Variants in MBD5 observed in about 807,000 individuals in gnomAD.
MBD5 encodes the protein methyl-CpG binding domain protein 5.
MBD5 carries 13 observed loss-of-function variants against 117.3 expected under a neutral mutation model. That is an observed-to-expected ratio of 0.11 (90% CI 0.07 to 0.18). The LOEUF is 0.18. MBD5 is among the 10% of genes least tolerant of loss of function. The pLI, the probability that MBD5 is intolerant of heterozygous loss-of-function variation, is 1.00. For synonymous variants in MBD5, 727 were observed against 766.4 expected, an observed-to-expected ratio of 0.95 and a Z score of 0.85; for missense variants, 1,879 against 2,093.8, an observed-to-expected ratio of 0.90 and a Z score of 2.00.
chr2:148,062,613 G>A (rs989925012), intron 1 of MBD5: 4 of 151,910 alleles, frequency 2.6e-5, no homozygotes, highest in African/African-American at 7.2e-5. Context: ...TGTTACAGGT[G>A]ATTAAATATC....
At chr2:148,070,205 T>C (rs898437591) in intron 1 of MBD5, among the ~76,000 whole-genome samples, 7 of 152,208 alleles carry the variant, frequency 4.6e-5, no homozygotes, top group Non-Finnish European at 8.8e-5. Flanking sequence ...ATGTCATGTT[T>C]CTCTTTCTGT....
intron 1 of MBD5, among the ~76,000 whole-genome samples, chr2:148,088,376 C>T (rs180787227): frequency 1.3e-5 from 2 of 152,246 alleles, no homozygotes; most frequent in East Asian, 3.9e-4. Flanking sequence ...GGAAATTCAT[C>T]TCAAAAGGAT....
At chr2:148,316,134 A>G (rs1273017336) in intron 3 of MBD5, among the ~76,000 whole-genome samples, 1 of 152,156 alleles carries the variant, frequency 6.6e-6, no homozygotes. Context: ...GAGAACAGCC[A>G]GGGGAAAATC....
intron 1 of MBD5, among the ~76,000 whole-genome samples, chr2:148,122,200 C>G (rs116516954): frequency 0.022 from 3,371 of 152,220 alleles, 144 homozygotes; most frequent in African/African-American, 0.076. Flanking sequence ...ATCCAGAGCC[C>G]TGCAAATAAT....
At chr2:148,296,635 T>A (rs1406838536) in intron 3 of MBD5, 1 of 169,270 alleles carries the variant, frequency 5.9e-6, no homozygotes, top group East Asian at 1.7e-4. Flanking sequence ...TCTCTAATGC[T>A]GAAGCACTGG....
At chr2:148,345,792 G>A (rs954441012) in intron 4 of MBD5, among the ~76,000 whole-genome samples, 1 of 151,480 alleles carries the variant, frequency 6.6e-6, no homozygotes, top group Non-Finnish European at 1.5e-5. Flanking sequence ...TGAGGAGCAA[G>A]GAGAGCCAGT....
chr2:148,260,014 G>A (rs1700695707), intron 3 of MBD5, among the ~76,000 whole-genome samples: 1 of 152,202 alleles, frequency 6.6e-6, no homozygotes, highest in Non-Finnish European at 1.5e-5. Context: ...GTCGACATCT[G>A]CTGACTGGTC....
At chr2:148,056,808 T>C (rs537866661) in intron 1 of MBD5, among the ~76,000 whole-genome samples, 2 of 152,062 alleles carry the variant, frequency 1.3e-5, no homozygotes, top group South Asian at 4.1e-4. Flanking sequence ...ATTAGAATTG[T>C]GTTTCTTGAA....
At chr2:148,410,185 T>C (rs1705208840) in intron 4 of MBD5, among the ~76,000 whole-genome samples, 1 of 152,188 alleles carries the variant, frequency 6.6e-6, no homozygotes, top group Non-Finnish European at 1.5e-5. Flanking sequence ...CTTTTCCATG[T>C]CTTTGATAAA....
chr2:148,305,578 G>A (rs1473408924), intron 3 of MBD5, among the ~76,000 whole-genome samples: 1 of 152,206 alleles, frequency 6.6e-6, no homozygotes, highest in Non-Finnish European at 1.5e-5. Context: ...GTTTGAATGT[G>A]TTTAGCGATG....
At chr2:148,154,998 C>T (rs1697831902) in intron 1 of MBD5, among the ~76,000 whole-genome samples, 1 of 152,126 alleles carries the variant, frequency 6.6e-6, no homozygotes, top group Non-Finnish European at 1.5e-5. Flanking sequence ...TCTATAGGCC[C>T]TGAAGGTGCA....
chr2:148,400,762 T>C (rs953906197), intron 4 of MBD5, among the ~76,000 whole-genome samples: 9 of 152,206 alleles, frequency 5.9e-5, no homozygotes, highest in African/African-American at 2.2e-4. Flanking sequence ...TAGCCAAATG[T>C]CTTTTTTATG....
rs141904158 is a variant in MBD5 at position 148,313,029 on chromosome 2, G to A, written c.-679-29185G>A. On this transcript the variant is annotated intron_variant, in intron 3 of 13. Coordinates refer to ENST00000642680, the MANE Select transcript of MBD5 (RefSeq NM_001378120.1). Reference sequence around the variant, plus strand: ...GCCTGTTCCTTCCTCTGGAAGGTTCGTCCCAGAGTGGCACCCGCTAGATGC... The same window carrying A: ...GCCTGTTCCTTCCTCTGGAAGGTTCATCCCAGAGTGGCACCCGCTAGATGC... Among the ~76,000 whole-genome samples, 1,059 of 152,196 alleles carry A rather than the reference G, an allele frequency of 7.0e-3. 46 individuals carry two copies. Among genetic ancestry groups the A allele is most frequent in the Admixed American group, 0.063 (958 of 15,286 alleles).
At chr2:148,278,516 G>A (rs1701166985) in intron 3 of MBD5, among the ~76,000 whole-genome samples, 1 of 151,996 alleles carries the variant, frequency 6.6e-6, no homozygotes, top group Admixed American at 6.5e-5. Flanking sequence ...TGGGTAATTT[G>A]TATGTTTTTA....
chr2:148,367,507 C>T (rs1372298692), intron 4 of MBD5, among the ~76,000 whole-genome samples: 1 of 152,100 alleles, frequency 6.6e-6, no homozygotes, highest in Admixed American at 6.5e-5. Context: ...AGCTTCTGCA[C>T]AGCAAAAGAA....
In MBD5 at chr2:148,483,825, G is replaced by A. The variant is rs1173562884; in HGVS notation, c.3234G>A (p.Gly1078=). Residue 1078 remains glycine, a synonymous_variant, in exon 9 of 14, where the codon GGG becomes GGA. Coordinates refer to ENST00000642680, the MANE Select transcript of MBD5 (RefSeq NM_001378120.1). ...FNPLFLPAVN[G]ASGLMTLNPQ... ...CCCTGTTCCTCCCAGCTGTCAATGG[G>A]GCCTCAGGATTAATGACCTTGAATC... 2 of 1,550,496 alleles carry A rather than the reference G, an allele frequency of 1.3e-6. No individual in the cohort carries two copies. The highest frequency in any genetic ancestry group is 8.7e-7 in the Non-Finnish European group (1 of 1,146,966).
intron 1 of MBD5, among the ~76,000 whole-genome samples, chr2:148,076,020 A>G (rs968814688): frequency 6.6e-6 from 1 of 152,196 alleles, no homozygotes; most frequent in Non-Finnish European, 1.5e-5. Context: ...ACGTCTGTAT[A>G]GTTATTTTCT....
intron 4 of MBD5, among the ~76,000 whole-genome samples, chr2:148,423,744 A>T (rs1705683743): frequency 6.6e-6 from 1 of 151,710 alleles, no homozygotes; most frequent in Non-Finnish European, 1.5e-5. Context: ...CAATTAAAAG[A>T]CACAGACTGG....
rs1553467171 is a variant in MBD5 at position 148,051,615 on chromosome 2, G to GTGTGTGTT, written c.-925+29938_-925+29939insTTGTGTGT. On this transcript the variant is annotated intron_variant, in intron 1 of 13. Transcript: ENST00000642680. ...TGTTCTGTTTGTTGAGTGTGTGTGT[G>GTGTGTGTT]TGTGTGTGTGTGTGTGTGTGTGTGT... Among the ~76,000 whole-genome samples the GTGTGTGTT allele has an allele frequency of 4.7e-5, 3 of 63,586 alleles. No individual in the cohort carries two copies. The Admixed American group carries it at 5.9e-4, about 12-fold the overall frequency. The allele number at this position is 63,586 out of a possible 152,430, so 41.7% of individuals were successfully genotyped here. A position where few individuals can be genotyped will look rare whatever the true frequency, so the allele number is the denominator to read the frequency against.
Sources: allele counts gnomAD v4.1 joint callset (sites outside exome capture counted in the v4.1 genomes callset), GRCh38; gene constraint gnomAD v4.1.1; transcripts MANE v1.5; gene names NCBI Gene and HGNC (gene_info 2026-07-23, HGNC 2026-07-21).